The following SPTLC2 variants were observed in gnomAD, a reference collection of about 807,000 sequenced individuals.
SPTLC2 encodes the protein serine palmitoyltransferase long chain base subunit 2.
SPTLC2 carries 21 observed loss-of-function variants against 62.0 expected under a neutral mutation model. That is an observed-to-expected ratio of 0.34 (90% CI 0.24 to 0.49). The LOEUF (loss-of-function observed/expected upper bound fraction) is 0.49, where lower values mean the gene tolerates loss of function less well. Ranked by LOEUF, SPTLC2 falls within the 20% of genes least tolerant of loss-of-function variation. The pLI is 0.99. For synonymous variants in SPTLC2, 261 were observed against 261.8 expected (o/e 1.00, Z 0.03); for missense variants, 511 against 713.0 (o/e 0.72, Z 3.23).
At chr14:77,547,441 A>G (rs2079534540) in intron 9 of SPTLC2, 1 of 152,220 alleles carries the variant, frequency 6.6e-6, no homozygotes, top group Non-Finnish European at 1.5e-5. Flanking sequence ...AAAAGCTGTC[A>G]GCCCTGAAGA....
intron 2 of SPTLC2, among the ~76,000 whole-genome samples, chr14:77,596,510 T>TAAAC (rs35256162): frequency 0.32 from 47,730 of 150,886 alleles, 7,752 homozygotes; most frequent in Admixed American, 0.44. Flanking sequence ...TCTCAAAAAA[T>TAAAC]AAACAAACAA....
intron 10 of SPTLC2, among the ~76,000 whole-genome samples, chr14:77,518,596 C>CAAAAAAAA (rs11400711): frequency 2.1e-5 from 3 of 143,250 alleles, no homozygotes; most frequent in Admixed American, 7.0e-5. Context: ...GGCTCTGTCT[C>CAAAAAAAA]AAAAAAAAAA....
chr14:77,581,368 G>A (rs2079749050), intron 2 of SPTLC2, among the ~76,000 whole-genome samples: 1 of 147,348 alleles, frequency 6.8e-6, no homozygotes, highest in African/African-American at 2.5e-5. Flanking sequence ...AAAGTCAGAA[G>A]CTACTCTAAG....
chr14:77,547,795 G>A (rs774611127), intron 9 of SPTLC2: 1 of 151,272 alleles, frequency 6.6e-6, no homozygotes, highest in Non-Finnish European at 1.5e-5. Flanking sequence ...CAGGACTCTT[G>A]GGCTCAAGCG....
At chr14:77,557,192 C>T (rs2079589154) in intron 6 of SPTLC2, 46 bp from the exon 7 acceptor site, 3 of 1,480,296 alleles carry the variant, frequency 2.0e-6, no homozygotes, top group Middle Eastern at 3.4e-4. Flanking sequence ...TTCCTCTTTC[C>T]TAACTTTATT....
chr14:77,530,939 C>A (rs2079435397), intron 9 of SPTLC2, among the ~76,000 whole-genome samples: 1 of 152,206 alleles, frequency 6.6e-6, no homozygotes, highest in Admixed American at 6.5e-5. Context: ...CGTTGGCCCA[C>A]CCTGTTGAGA....
chr14:77,575,212 C>A (rs773730237), intron 4 of SPTLC2, among the ~76,000 whole-genome samples: 2 of 152,166 alleles, frequency 1.3e-5, no homozygotes, highest in African/African-American at 2.4e-5. Flanking sequence ...AGAGACCCTG[C>A]ATCCATCTAT....
chr14:77,522,912 C>A (rs1566768006), intron 9 of SPTLC2, among the ~76,000 whole-genome samples: 1 of 152,198 alleles, frequency 6.6e-6, no homozygotes, highest in Non-Finnish European at 1.5e-5. Flanking sequence ...AGAATACTAA[C>A]ATATCCATCA....
At chr14:77,552,321 T>C in intron 8 of SPTLC2, 99 bp from the exon 9 acceptor site, 1 of 1,405,476 alleles carries the variant, frequency 7.1e-7, no homozygotes, top group Non-Finnish European at 9.9e-7. Context: ...CTCACTTCAA[T>C]GGCACTGGAA....
chr14:77,610,526 T>G (rs1428786849), intron 1 of SPTLC2, among the ~76,000 whole-genome samples: 1 of 152,054 alleles, frequency 6.6e-6, no homozygotes, highest in Admixed American at 6.5e-5. Flanking sequence ...GCTCAAGCAA[T>G]CCTTACACCT....
At chr14:77,529,620 C>CTTTCTTTCTTTTTTTTTTTT (rs1555373703) in intron 9 of SPTLC2, among the ~76,000 whole-genome samples, 1 of 76,050 alleles carries the variant, frequency 1.3e-5, no homozygotes, top group Admixed American at 1.6e-4. Context: ...TTCTTTCTTT[C>CTTTCTTTCTTTTTTTTTTTT]TTTTTTTTTT....
intron 1 of SPTLC2, among the ~76,000 whole-genome samples, chr14:77,613,572 C>G (rs1356888763): frequency 6.6e-6 from 1 of 152,328 alleles, no homozygotes; most frequent in East Asian, 1.9e-4. Flanking sequence ...TTACTATACA[C>G]ATTCATTCAT....
intron 1 of SPTLC2, among the ~76,000 whole-genome samples, chr14:77,600,094 T>A (rs1303817800): frequency 6.6e-6 from 1 of 152,156 alleles, no homozygotes; most frequent in Non-Finnish European, 1.5e-5. Flanking sequence ...GTGGGTCTCT[T>A]TTAAAGATAT....
In SPTLC2 at chr14:77,566,455, C is replaced by T. The variant is rs187499589; in HGVS notation, c.756+3929G>A. ...TCTTGTTCAGGAGTTTAGAATCTTG[C>T]TCAAGGTCACAAGCACAGTAACAAA... On this transcript the variant is annotated intron_variant, in intron 5 of 11. Transcript: ENST00000216484. Among the ~76,000 whole-genome samples the T allele has an allele frequency of 5.1e-4, 78 of 152,294 alleles. No homozygotes were observed. In the East Asian group the frequency reaches 0.014, roughly 27 times the overall value.
intron 2 of SPTLC2, among the ~76,000 whole-genome samples, chr14:77,591,971 G>A (rs972331544): frequency 7.9e-5 from 12 of 151,646 alleles, no homozygotes; most frequent in Non-Finnish European, 1.3e-4. Flanking sequence ...TGATCCGCCC[G>A]CCTTGGCCTC....
intron 9 of SPTLC2, among the ~76,000 whole-genome samples, chr14:77,531,463 T>TCATCCTCCTCCCCCTCCC (rs2079439003): frequency 8.3e-6 from 1 of 121,196 alleles, no homozygotes; most frequent in African/African-American, 3.6e-5. Context: ...CTCCTCCTCC[T>TCATCCTCCTCCCCCTCCC]CCTCCTCCTC....
intron 5 of SPTLC2, among the ~76,000 whole-genome samples, chr14:77,568,453 A>G (rs1235750989): frequency 6.6e-6 from 1 of 152,216 alleles, no homozygotes; most frequent in South Asian, 2.1e-4. Flanking sequence ...ACTGGTTGAC[A>G]GTGTTTTCCA....
intron 11 of SPTLC2, among the ~76,000 whole-genome samples, chr14:77,514,207 C>G (rs1025531446): frequency 2.6e-5 from 4 of 152,056 alleles, no homozygotes; most frequent in Admixed American, 6.6e-5. Context: ...CAAAAGTGCA[C>G]ATGACTAAGA....
At chr14:77,605,163 G>A (rs533885540) in intron 1 of SPTLC2, among the ~76,000 whole-genome samples, 82 of 151,674 alleles carry the variant, frequency 5.4e-4, no homozygotes, top group African/African-American at 1.8e-3. Flanking sequence ...ACAAGTGCCC[G>A]CCACCATACC....
Sources: gnomAD v4.1 joint callset for allele counts (sites outside exome capture counted in the v4.1 genomes callset) on GRCh38, gnomAD v4.1.1 for gene constraint, MANE v1.5 for transcripts, NCBI Gene and HGNC (gene_info 2026-07-23, HGNC 2026-07-21) for gene names.